Variants in TDP1 observed in about 807,000 individuals in gnomAD.
TDP1 encodes tyr-DNA phosphodiesterase 1.
Under a neutral mutation model 81.5 loss-of-function variants are expected in TDP1, and 64 were observed. The observed-to-expected ratio is 0.79, with a 90% CI of 0.64 to 0.97. TDP1 has a LOEUF of 0.97. TDP1 is among the 50% of genes least tolerant of loss of function. The probability of loss-of-function intolerance (pLI) is 0.00; values close to 1 mark genes in which losing one functional copy is unlikely to be tolerated. For missense variants in TDP1, 723 were observed against 743.8 expected (o/e 0.97, Z 0.33); for synonymous variants, 256 against 264.3 (o/e 0.97, Z 0.30).
At chr14:90,028,843 T>A (rs780585026) in intron 15 of TDP1, among the ~76,000 whole-genome samples, 1 of 152,144 alleles carries the variant, frequency 6.6e-6, no homozygotes, top group African/African-American at 2.4e-5. Flanking sequence ...CAGCCTCAGA[T>A]CTGGGCCCAG....
In TDP1 at chr14:89,975,900, G is replaced by A. The variant is rs1011734792; in HGVS notation, c.791+85G>A. ...GTTATTCTTAGGAGAGACTGAGCAT[G>A]GTAGGCCCACCTAGGATCTAGCACA... is the stretch of plus-strand genomic sequence containing the variant. On this transcript the variant is annotated intron_variant, in intron 7 of 16. Coordinates refer to ENST00000335725, the MANE Select transcript of TDP1 (RefSeq NM_018319.4). The A allele has an allele frequency of 3.5e-5, 38 of 1,089,814 alleles. 1 individual carries two copies. The Admixed American group carries it at 6.4e-4, about 18-fold the overall frequency. The allele number at this position is 1,089,814 out of a possible 1,614,324, so 67.5% of individuals were successfully genotyped here.
At chr14:89,985,470 CCTATTCATACA>C (rs1388625468) in intron 10 of TDP1, among the ~76,000 whole-genome samples, 2 of 152,066 alleles carry the variant, frequency 1.3e-5, no homozygotes, top group African/African-American at 4.8e-5. Flanking sequence ...ATAGAGGCTT[CCTATTCATACA>C]CATACTGTAG....
intron 15 of TDP1, among the ~76,000 whole-genome samples, chr14:90,022,083 T>TC (rs1886153474): frequency 6.6e-6 from 1 of 152,218 alleles, no homozygotes; most frequent in South Asian, 2.1e-4. Context: ...ACCCTTCCCC[T>TC]CCCAGGGAGC....
chr14:90,009,169 A>G (rs768743290), intron 14 of TDP1, among the ~76,000 whole-genome samples: 7 of 152,218 alleles, frequency 4.6e-5, no homozygotes, highest in East Asian at 1.9e-4. Context: ...AGCTTTAACT[A>G]TAAAAATTAT....
At chr14:89,993,149 A>G (rs1264271299) in intron 13 of TDP1, 3 of 984,608 alleles carry the variant, frequency 3.0e-6, no homozygotes, top group African/African-American at 3.5e-5. Flanking sequence ...TGGAAAGGCT[A>G]TATGCTGAAA....
Position 90,002,143 on chromosome 14 carries a change from C to T in TDP1, c.1541+8660C>T, listed in dbSNP as rs547327289. The stretch of plus-strand genomic sequence containing the variant: ...CTTCCCATTCCTGTTCCCCAGCCAC[C>T]CTGCTCCTCATCCAGAAACCACTAC... On this transcript the variant is annotated intron_variant, in intron 14 of 16. Coordinates refer to ENST00000335725, the MANE Select transcript of TDP1 (RefSeq NM_018319.4). 2.0e-4 allele frequency among the ~76,000 whole-genome samples: 30 copies of T among 152,220 alleles called. No individual in the cohort carries two copies. In the South Asian group the frequency reaches 5.6e-3, roughly 28 times the overall value.
chr14:90,012,238 A>G (rs1017330469), intron 14 of TDP1, among the ~76,000 whole-genome samples: 4 of 152,162 alleles, frequency 2.6e-5, no homozygotes, highest in East Asian at 1.9e-4. Context: ...CAAAGGATGT[A>G]TGGAAAAGCC....
At chr14:90,033,575 C>T (rs1887527600) in intron 16 of TDP1, 1 of 295,144 alleles carries the variant, frequency 3.4e-6, no homozygotes, top group Non-Finnish European at 6.7e-6. Flanking sequence ...TTAAATTAGT[C>T]TACACTTGGG....
At chr14:90,016,442 G>T (rs1168679459) in intron 14 of TDP1, among the ~76,000 whole-genome samples, 1 of 152,078 alleles carries the variant, frequency 6.6e-6, no homozygotes, top group East Asian at 1.9e-4. Context: ...TCTAACTCCT[G>T]GCCCTCACCA....
chr14:90,037,501 A>G (rs76438767), intron 16 of TDP1, among the ~76,000 whole-genome samples: 5,979 of 152,298 alleles, frequency 0.039, 385 homozygotes, highest in African/African-American at 0.13. Flanking sequence ...GAGTACTTAT[A>G]TAGTATTTTT....
At chr14:89,988,563 T>C (rs1344772927) in intron 10 of TDP1, 5 of 977,126 alleles carry the variant, frequency 5.1e-6, no homozygotes, top group Non-Finnish European at 2.4e-6. Flanking sequence ...ACACTTGTGA[T>C]TTCAAGTAAA....
At chr14:89,993,288 G>T in intron 13 of TDP1, 88 bp from the exon 14 acceptor site, 2 of 1,284,680 alleles carry the variant, frequency 1.6e-6, no homozygotes, top group Non-Finnish European at 1.1e-6. Context: ...TTAGATAATA[G>T]GCTCTTTGTT....
At chr14:89,991,433 C>A in intron 12 of TDP1, 1 of 407,418 alleles carries the variant, frequency 2.5e-6, no homozygotes, top group Non-Finnish European at 3.3e-6. Context: ...GGTGCGTTCT[C>A]GTCCTCAATG....
intron 14 of TDP1, among the ~76,000 whole-genome samples, chr14:90,004,952 T>A (rs963065161): frequency 4.6e-5 from 7 of 152,218 alleles, no homozygotes; most frequent in Admixed American, 2.0e-4. Flanking sequence ...GCAGCACCAA[T>A]GCTTCAGGCT....
At chr14:90,026,794 C>A (rs1167678505) in intron 15 of TDP1, among the ~76,000 whole-genome samples, 2 of 152,152 alleles carry the variant, frequency 1.3e-5, no homozygotes, top group African/African-American at 2.4e-5. Flanking sequence ...TGAACTCATC[C>A]TTTTTTATGG....
In TDP1 at chr14:89,975,773, C is replaced by T; in HGVS notation, c.757-8C>T. ...GTTTTTAAATAAATGACTTCTTTTTCATCCTAGGCAAAGTTGGATATTGCG... is the reference window on the plus strand; with the variant it reads ...GTTTTTAAATAAATGACTTCTTTTTTATCCTAGGCAAAGTTGGATATTGCG... On this transcript the variant is annotated splice_region_variant and splice_polypyrimidine_tract_variant and intron_variant, in intron 6 of 16. Transcript: ENST00000335725. 1.2e-6 allele frequency: 2 copies of T among 1,610,386 alleles called. No individual in the cohort carries two copies. The highest frequency in any genetic ancestry group is 2.2e-5 in the East Asian group (1 of 44,852).
chr14:90,000,587 G>A (rs1897104908), intron 14 of TDP1, among the ~76,000 whole-genome samples: 1 of 152,132 alleles, frequency 6.6e-6, no homozygotes, highest in Non-Finnish European at 1.5e-5. Context: ...GTTTCTCCAT[G>A]TTGGTCAGGC....
intron 2 of TDP1, among the ~76,000 whole-genome samples, chr14:89,957,483 A>G (rs1273628492): frequency 6.6e-6 from 1 of 152,208 alleles, no homozygotes; most frequent in Middle Eastern, 3.2e-3. Context: ...GTTTGAGACA[A>G]GGGACCATGT....
intron 6 of TDP1, 121 bp downstream of exon 6, chr14:89,971,392 A>G (rs190109777): frequency 8.6e-5 from 65 of 757,918 alleles, no homozygotes; most frequent in East Asian, 8.0e-4. Flanking sequence ...ATCAATAGAT[A>G]TTTGTCTAGC....
Sources: gnomAD v4.1 joint callset for allele counts (sites outside exome capture counted in the v4.1 genomes callset) on GRCh38, gnomAD v4.1.1 for gene constraint, MANE v1.5 for transcripts, NCBI Gene and HGNC (gene_info 2026-07-23, HGNC 2026-07-21) for gene names.